Variants in PTPRD observed in about 807,000 individuals in gnomAD.
PTPRD encodes the protein receptor-type tyrosine-protein phosphatase delta.
Under a neutral mutation model 214.5 loss-of-function variants are expected in PTPRD, and 34 were observed. That is an observed-to-expected ratio of 0.16 (90% CI 0.12 to 0.21). PTPRD has a LOEUF of 0.21. Ranked by LOEUF, PTPRD falls within the 10% of genes least tolerant of loss-of-function variation. The probability of loss-of-function intolerance (pLI) is 1.00; values close to 1 mark genes in which losing one functional copy is unlikely to be tolerated. For missense variants in PTPRD, 2,545 were observed against 2,398.7 expected (o/e 1.06, Z -1.27); for synonymous variants, 1,128 against 845.7 (o/e 1.33, Z -5.79).
Position 10,612,134 on chromosome 9 carries a change from TA to T in PTPRD, c.-600+263del, listed in dbSNP as rs2133846048. On this transcript the variant is annotated intron_variant, in intron 2 of 45. Coordinates refer to ENST00000381196, the MANE Select transcript of PTPRD (RefSeq NM_002839.4). ...CAGGCTTCCAATAGCCCTTGAACAA[TA>T]AACGTTTAAAAATCAGTTTTCCAGT... Among the ~76,000 whole-genome samples, 4 of 136,910 alleles carry T rather than the reference TA, an allele frequency of 2.9e-5. No homozygotes were observed. In the South Asian group the frequency reaches 9.0e-4, roughly 31 times the overall value. 89.8% of individuals were successfully genotyped at this position (136,910 alleles called of 152,430 possible). A position where few individuals can be genotyped will look rare whatever the true frequency, so the allele number is the denominator to read the frequency against.
intron 8 of PTPRD, among the ~76,000 whole-genome samples, chr9:9,489,438 T>C (rs35372201): frequency 0.2 from 31,118 of 152,006 alleles, 3,327 homozygotes; most frequent in Non-Finnish European, 0.24. Flanking sequence ...CTGACAAAGC[T>C]TGATGACACA....
At chr9:10,231,987 AGAGTGTGTGT>A (rs2099612655) in intron 3 of PTPRD, among the ~76,000 whole-genome samples, 1 of 97,724 alleles carries the variant, frequency 1.0e-5, no homozygotes, top group African/African-American at 4.6e-5. Flanking sequence ...AGAGAGAGAG[AGAGTGTGTGT>A]GTGTGTGTGT....
intron 5 of PTPRD, among the ~76,000 whole-genome samples, chr9:9,886,792 G>A (rs1029334272): frequency 1.3e-5 from 2 of 152,214 alleles, no homozygotes; most frequent in Non-Finnish European, 2.9e-5. Flanking sequence ...CATACATTTT[G>A]TTCAGTTGCC....
chr9:8,405,039 A>G (rs971618711), intron 35 of PTPRD, among the ~76,000 whole-genome samples: 4 of 152,106 alleles, frequency 2.6e-5, no homozygotes, highest in Admixed American at 6.6e-5. Flanking sequence ...ATTCTTCCCT[A>G]TTCTTTCCTA....
chr9:8,816,909 TTTTA>T (rs1415401262), intron 11 of PTPRD, among the ~76,000 whole-genome samples: 7 of 152,248 alleles, frequency 4.6e-5, no homozygotes, highest in Admixed American at 4.6e-4. Context: ...TTGCTGAATC[TTTTA>T]TTGTCATTTC....
At chr9:10,035,968 G>A (rs1406459615) in intron 3 of PTPRD, among the ~76,000 whole-genome samples, 1 of 152,092 alleles carries the variant, frequency 6.6e-6, no homozygotes, top group Non-Finnish European at 1.5e-5. Flanking sequence ...ACATAGGTGA[G>A]TGTCTAAATC....
intron 12 of PTPRD, among the ~76,000 whole-genome samples, chr9:8,706,636 G>A (rs182218333): frequency 3.3e-5 from 5 of 152,306 alleles, no homozygotes; most frequent in Admixed American, 2.6e-4. Flanking sequence ...GAGCAGAGAT[G>A]CGTGAGCATA....
At chr9:9,603,468 A>G (rs1488909429) in intron 7 of PTPRD, among the ~76,000 whole-genome samples, 2 of 152,178 alleles carry the variant, frequency 1.3e-5, no homozygotes, top group African/African-American at 4.8e-5. Flanking sequence ...CCCAACCCTA[A>G]GGACACAGAC....
intron 3 of PTPRD, among the ~76,000 whole-genome samples, chr9:10,300,717 T>G (rs1177405145): frequency 2.0e-5 from 3 of 151,960 alleles, no homozygotes; most frequent in Non-Finnish European, 4.4e-5. Context: ...CTCTCTAGAT[T>G]CCTCCTCTCT....
At chr9:9,650,277 G>A (rs563937154) in intron 7 of PTPRD, among the ~76,000 whole-genome samples, 3 of 152,266 alleles carry the variant, frequency 2.0e-5, no homozygotes, top group Admixed American at 6.5e-5. Flanking sequence ...ATGCAGAACC[G>A]TGAGACAATT....
At chr9:8,961,150 G>C (rs569144131) in intron 11 of PTPRD, among the ~76,000 whole-genome samples, 3 of 151,982 alleles carry the variant, frequency 2.0e-5, no homozygotes, top group African/African-American at 7.2e-5. Flanking sequence ...GTTGCCTAGG[G>C]GGACAGGGGA....
chr9:8,321,510 T>TAC, intron 44 of PTPRD, among the ~76,000 whole-genome samples: 1 of 125,754 alleles, frequency 8.0e-6, no homozygotes, highest in Non-Finnish European at 1.7e-5. Context: ...TATATATATA[T>TAC]ATATATATAT....
At chr9:10,283,374 G>T (rs535556317) in intron 3 of PTPRD, among the ~76,000 whole-genome samples, 1 of 152,132 alleles carries the variant, frequency 6.6e-6, no homozygotes, top group African/African-American at 2.4e-5. Flanking sequence ...TAAAGGCAAA[G>T]ACAATGTTTT....
At chr9:9,589,076 A>G (rs544387098) in intron 7 of PTPRD, among the ~76,000 whole-genome samples, 1 of 151,990 alleles carries the variant, frequency 6.6e-6, no homozygotes, top group South Asian at 2.1e-4. Flanking sequence ...GAAGCAATTC[A>G]TGCCATTTCA....
intron 8 of PTPRD, among the ~76,000 whole-genome samples, chr9:9,553,455 T>C (rs1366078621): frequency 3.9e-5 from 6 of 152,032 alleles, no homozygotes; most frequent in Admixed American, 2.0e-4. Flanking sequence ...CAGATGAGGA[T>C]ACTGAAACTC....
At chr9:10,148,237 C>T (rs1332156812) in intron 3 of PTPRD, among the ~76,000 whole-genome samples, 2 of 152,208 alleles carry the variant, frequency 1.3e-5, no homozygotes, top group Non-Finnish European at 2.9e-5. Context: ...GAAGGCAACA[C>T]TCACAGATTG....
chr9:10,485,631 G>C (rs1044496821), intron 2 of PTPRD, among the ~76,000 whole-genome samples: 1 of 151,962 alleles, frequency 6.6e-6, no homozygotes, highest in East Asian at 1.9e-4. Context: ...TATTGTCAAT[G>C]AAATTTTTAA....
At chr9:8,877,777 T>A (rs2098407051) in intron 11 of PTPRD, among the ~76,000 whole-genome samples, 1 of 152,184 alleles carries the variant, frequency 6.6e-6, no homozygotes, top group East Asian at 1.9e-4. Flanking sequence ...ACCAGAGTCA[T>A]GATTTTGTCC....
At chr9:9,656,989 G>C (rs369365503) in intron 7 of PTPRD, among the ~76,000 whole-genome samples, 1 of 151,938 alleles carries the variant, frequency 6.6e-6, no homozygotes, top group Non-Finnish European at 1.5e-5. Flanking sequence ...GAAGACAAAA[G>C]TATGCAAGAG....
Sources: allele counts gnomAD v4.1 joint callset (sites outside exome capture counted in the v4.1 genomes callset), GRCh38; gene constraint gnomAD v4.1.1; transcripts MANE v1.5; gene names NCBI Gene and HGNC (gene_info 2026-07-23, HGNC 2026-07-21).